DNAJB6: variants seen among roughly 807,000 people sequenced by gnomAD.
The protein encoded by DNAJB6 is DnaJ heat shock protein family (Hsp40) member B6.
A neutral mutation model predicts 42.7 loss-of-function variants in DNAJB6; 16 were observed. That is an observed-to-expected ratio of 0.37 (90% CI 0.25 to 0.57). The LOEUF is 0.57. DNAJB6 is among the 20% of genes least tolerant of loss of function. DNAJB6 has a pLI of 0.74. For synonymous variants in DNAJB6, 170 were observed against 163.5 expected (o/e 1.04, Z -0.30); for missense variants, 347 against 416.8 (o/e 0.83, Z 1.46).
At chr7:157,347,808 T>G (rs1276368154) in intron 1 of DNAJB6, among the ~76,000 whole-genome samples, 1 of 152,236 alleles carries the variant, frequency 6.6e-6, no homozygotes, top group African/African-American at 2.4e-5. Flanking sequence ...ATTTATTTGT[T>G]TTTTTGAGTT....
chr7:157,404,208 A>G (rs1216424641), intron 8 of DNAJB6, among the ~76,000 whole-genome samples: 6 of 151,418 alleles, frequency 4.0e-5, no homozygotes, highest in Admixed American at 2.0e-4. Context: ...GGCCCAAGTG[A>G]TCTTTAGCCT....
In DNAJB6 at chr7:157,409,807, A is replaced by C. The variant is rs1176400971; in HGVS notation, c.704A>C (p.Asp235Ala). ...GCTGTGCCTGCAGGTGTGGCCGACG[A>C]CGATGCCCTCGCTGAGGAGCGCATG... Reference protein sequence around the residue: ...KSLTINGVADDDALAEERMRR... With the variant: ...KSLTINGVADADALAEERMRR... The change falls in exon 9 of 10, where the codon GAC (aspartate) becomes GCC (alanine). Residue 235 changes from aspartate (D) to alanine (A), a missense_variant. Coordinates refer to ENST00000262177, the MANE Select transcript of DNAJB6 (RefSeq NM_058246.4). The C allele has an allele frequency of 1.3e-6, 2 of 1,528,676 alleles. No individual in the cohort carries two copies. The highest frequency in any genetic ancestry group is 3.9e-5 in the Admixed American group (2 of 50,700). 94.7% of individuals were successfully genotyped at this position (1,528,676 alleles called of 1,614,324 possible).
At chr7:157,382,935 G>A (rs939090903) in intron 6 of DNAJB6, among the ~76,000 whole-genome samples, 1 of 152,124 alleles carries the variant, frequency 6.6e-6, no homozygotes, top group African/African-American at 2.4e-5. Flanking sequence ...TGTGTGTTTA[G>A]CCTGAAGAAT....
intron 5 of DNAJB6, among the ~76,000 whole-genome samples, chr7:157,373,338 A>G (rs1037072112): frequency 6.6e-6 from 1 of 152,176 alleles, no homozygotes; most frequent in African/African-American, 2.4e-5. Flanking sequence ...GGAACCTTTA[A>G]AGTTAGACAT....
chr7:157,360,482 A>G (rs1176836781), intron 2 of DNAJB6, among the ~76,000 whole-genome samples: 2 of 152,198 alleles, frequency 1.3e-5, no homozygotes, highest in Non-Finnish European at 2.9e-5. Flanking sequence ...GTAATGATGG[A>G]AATTACATAC....
intron 8 of DNAJB6, among the ~76,000 whole-genome samples, chr7:157,393,232 C>T (rs1801432303): frequency 1.3e-5 from 2 of 152,182 alleles, no homozygotes; most frequent in African/African-American, 2.4e-5. Context: ...CCTCCTTGGC[C>T]TCCCAAAGTG....
At chr7:157,349,815 T>C (rs1159332127) in intron 1 of DNAJB6, among the ~76,000 whole-genome samples, 10 of 152,110 alleles carry the variant, frequency 6.6e-5, no homozygotes, top group Admixed American at 6.6e-4. Context: ...CAGCTGATTT[T>C]TGTATTTTTA....
At chr7:157,353,834 A>AT (rs61051299) in intron 1 of DNAJB6, among the ~76,000 whole-genome samples, 22,079 of 149,540 alleles carry the variant, frequency 0.15, 3,235 homozygotes, top group African/African-American at 0.38. Flanking sequence ...AGCTACTTAA[A>AT]TTTTTTTTTT....
At chr7:157,375,522 A>G (rs1800427029) in intron 5 of DNAJB6, among the ~76,000 whole-genome samples, 1 of 152,232 alleles carries the variant, frequency 6.6e-6, no homozygotes. Flanking sequence ...GGAAGCTGAA[A>G]ATGGTGGTGT....
intron 8 of DNAJB6, among the ~76,000 whole-genome samples, chr7:157,398,080 G>A (rs554438216): frequency 6.6e-6 from 1 of 152,238 alleles, no homozygotes; most frequent in Non-Finnish European, 1.5e-5. Context: ...GGTTCCTAGC[G>A]TTTCCCCAGC....
intron 9 of DNAJB6, chr7:157,411,408 T>A (rs1033947489): frequency 7.4e-6 from 1 of 135,560 alleles, no homozygotes; most frequent in African/African-American, 2.8e-5. Flanking sequence ...GTTCCCAGGA[T>A]CCCTGCACTG....
intron 1 of DNAJB6, among the ~76,000 whole-genome samples, chr7:157,349,000 C>T (rs147694971): frequency 6.6e-6 from 1 of 152,324 alleles, no homozygotes; most frequent in East Asian, 1.9e-4. Context: ...CTCATGGTCT[C>T]TATACCATCT....
intron 1 of DNAJB6, among the ~76,000 whole-genome samples, chr7:157,355,954 A>T (rs1354680515): frequency 6.6e-6 from 1 of 152,212 alleles, no homozygotes; most frequent in Non-Finnish European, 1.5e-5. Flanking sequence ...CTCTGTGCTC[A>T]CTGCCTCGGG....
intron 5 of DNAJB6, chr7:157,369,045 A>G (rs114073549): frequency 5.1e-4 from 183 of 361,142 alleles, no homozygotes; most frequent in African/African-American, 3.7e-3. Context: ...TGGCTTGAAG[A>G]GAGCCCCTTT....
intron 8 of DNAJB6, among the ~76,000 whole-genome samples, chr7:157,397,460 G>T (rs1298807569): frequency 6.6e-6 from 1 of 152,242 alleles, no homozygotes; most frequent in Non-Finnish European, 1.5e-5. Flanking sequence ...CCCCAGCAGG[G>T]CTTCTGGGAA....
intron 1 of DNAJB6, among the ~76,000 whole-genome samples, chr7:157,340,764 G>T (rs928582480): frequency 2.0e-5 from 3 of 151,726 alleles, no homozygotes; most frequent in Non-Finnish European, 4.4e-5. Flanking sequence ...GCACTCCTGG[G>T]TTCAAGCCAT....
At chr7:157,386,717 C>T (rs1461765842) in intron 8 of DNAJB6, among the ~76,000 whole-genome samples, 1 of 152,080 alleles carries the variant, frequency 6.6e-6, no homozygotes, top group Non-Finnish European at 1.5e-5. Flanking sequence ...ACCCCTGTCT[C>T]TACTAAAAAT....
At chr7:157,400,132 G>C (rs1801778816) in intron 8 of DNAJB6, among the ~76,000 whole-genome samples, 1 of 147,214 alleles carries the variant, frequency 6.8e-6, no homozygotes, top group East Asian at 2.0e-4. Context: ...TAATACAGTT[G>C]GTTTTGCCTT....
chr7:157,343,689 TC>T (rs776289624), intron 1 of DNAJB6, among the ~76,000 whole-genome samples: 10 of 152,154 alleles, frequency 6.6e-5, no homozygotes, highest in Non-Finnish European at 1.2e-4. Flanking sequence ...CCCCAGGTGA[TC>T]CACCTGCCAT....
Sources: allele counts gnomAD v4.1 joint callset (sites outside exome capture counted in the v4.1 genomes callset), GRCh38; gene constraint gnomAD v4.1.1; transcripts MANE v1.5; gene names NCBI Gene and HGNC (gene_info 2026-07-23, HGNC 2026-07-21).